MAML2: variants seen among roughly 807,000 people sequenced by gnomAD.
MAML2 encodes mastermind like transcriptional coactivator 2, also known as mastermind-like protein 2.
MAML2 carries 22 observed loss-of-function variants against 96.1 expected under a neutral mutation model. The ratio of observed to expected loss-of-function variants is 0.23; its 90% CI spans 0.16 to 0.33. MAML2 has a LOEUF of 0.33. Ranked by LOEUF, MAML2 falls within the 10% of genes least tolerant of loss-of-function variation. MAML2 has a pLI of 1.00. For synonymous variants in MAML2, 561 were observed against 521.3 expected (o/e 1.08, Z -1.04); for missense variants, 1,367 against 1,392.4 (o/e 0.98, Z 0.29).
At chr11:96,160,815 T>C (rs747045078) in intron 1 of MAML2, among the ~76,000 whole-genome samples, 1 of 152,252 alleles carries the variant, frequency 6.6e-6, no homozygotes, top group South Asian at 2.1e-4. Flanking sequence ...ATAGAATCTA[T>C]GTAGCCCTGT....
intron 1 of MAML2, among the ~76,000 whole-genome samples, chr11:96,251,793 G>T (rs1457845174): frequency 6.7e-6 from 1 of 149,656 alleles, no homozygotes; most frequent in Non-Finnish European, 1.5e-5. Context: ...GTGCAGTGAC[G>T]CGATCTTGGC....
intron 1 of MAML2, among the ~76,000 whole-genome samples, chr11:96,219,564 A>G (rs964956410): frequency 2.0e-5 from 3 of 152,172 alleles, no homozygotes; most frequent in Admixed American, 1.3e-4. Context: ...TTGGTTTCCA[A>G]TGCTGCCCTG....
intron 1 of MAML2, among the ~76,000 whole-genome samples, chr11:96,273,025 T>C (rs75152834): frequency 0.033 from 5,083 of 152,338 alleles, 122 homozygotes; most frequent in Middle Eastern, 0.054. Context: ...CCCTACTATA[T>C]GTGTTTCAGG....
intron 1 of MAML2, among the ~76,000 whole-genome samples, chr11:96,197,627 T>C (rs1165839162): frequency 6.6e-6 from 1 of 152,238 alleles, no homozygotes; most frequent in African/African-American, 2.4e-5. Context: ...CCTTCTACCA[T>C]GTTCAACATT....
chr11:96,175,353 G>A (rs979489799), intron 1 of MAML2, among the ~76,000 whole-genome samples: 3 of 152,036 alleles, frequency 2.0e-5, no homozygotes, highest in Non-Finnish European at 2.9e-5. Flanking sequence ...AATCTCCCTG[G>A]GTCTAGTTGC....
chr11:96,067,516 ATCT>A (rs1458669104), intron 2 of MAML2, among the ~76,000 whole-genome samples: 1 of 152,128 alleles, frequency 6.6e-6, no homozygotes, highest in Non-Finnish European at 1.5e-5. Context: ...TTATCACATG[ATCT>A]TCTTACTCTA....
intron 1 of MAML2, among the ~76,000 whole-genome samples, chr11:96,246,702 T>G (rs1862516616): frequency 6.6e-6 from 1 of 152,124 alleles, no homozygotes; most frequent in Admixed American, 6.5e-5. Flanking sequence ...TGTTCCCACA[T>G]GCACAGTAGA....
chr11:96,127,828 C>G (rs950388279), intron 1 of MAML2, among the ~76,000 whole-genome samples: 2 of 152,234 alleles, frequency 1.3e-5, no homozygotes, highest in Admixed American at 6.5e-5. Context: ...GCTGTTCCTG[C>G]TGACTTCCCA....
At chr11:95,980,037 T>A in intron 4 of MAML2, 74 bp from the exon 5 acceptor site, 1 of 1,172,252 alleles carries the variant, frequency 8.5e-7, no homozygotes, top group Non-Finnish European at 1.2e-6. Flanking sequence ...TTTCAATAAC[T>A]CATCAATCTG....
intron 1 of MAML2, among the ~76,000 whole-genome samples, chr11:96,326,275 G>A (rs1173742791): frequency 1.3e-5 from 2 of 151,858 alleles, no homozygotes; most frequent in Non-Finnish European, 2.9e-5. Context: ...ATTTAAACCT[G>A]GGAAGAATTT....
At chr11:96,142,626 C>T (rs1215267127) in intron 1 of MAML2, among the ~76,000 whole-genome samples, 1 of 152,156 alleles carries the variant, frequency 6.6e-6, no homozygotes, top group Non-Finnish European at 1.5e-5. Context: ...TTTGAAAGTC[C>T]TTTTATACTA....
chr11:96,309,724 G>T (rs1018129396), intron 1 of MAML2, among the ~76,000 whole-genome samples: 7 of 149,728 alleles, frequency 4.7e-5, no homozygotes, highest in African/African-American at 1.7e-4. Context: ...CTGAGACAGG[G>T]TCTCACTCTG....
chr11:96,042,070 G>A lies in MAML2; in HGVS notation c.2139+49822C>T, dbSNP rs777386231. Among the ~76,000 whole-genome samples, 206 of 150,462 alleles carry A rather than the reference G, an allele frequency of 1.4e-3. 1 individual carries two copies. The highest frequency in any genetic ancestry group is 3.2e-4 in the Non-Finnish European group (22 of 67,774). ...TGGCTCACTGCAAGCTCCACCTCCCGGGTTCAGGCCATTCTCCTGCCTCAG... is the reference window on the plus strand; with the variant it reads ...TGGCTCACTGCAAGCTCCACCTCCCAGGTTCAGGCCATTCTCCTGCCTCAG... On this transcript the variant is annotated intron_variant, in intron 2 of 4. Transcript: ENST00000524717.
At chr11:96,060,267 G>A (rs994552957) in intron 2 of MAML2, among the ~76,000 whole-genome samples, 1 of 152,172 alleles carries the variant, frequency 6.6e-6, no homozygotes, top group Non-Finnish European at 1.5e-5. Flanking sequence ...ATGCAGTTAA[G>A]CTTTTCAGAA....
chr11:96,294,903 G>C (rs1031826852), intron 1 of MAML2, among the ~76,000 whole-genome samples: 1 of 152,186 alleles, frequency 6.6e-6, no homozygotes, highest in African/African-American at 2.4e-5. Context: ...TGATTCCAAG[G>C]TTCCATGCAT....
intron 1 of MAML2, among the ~76,000 whole-genome samples, chr11:96,245,717 T>G (rs1862501934): frequency 6.6e-6 from 1 of 151,422 alleles, no homozygotes; most frequent in Non-Finnish European, 1.5e-5. Flanking sequence ...TTTTTTTTTT[T>G]TTTTTTAGAC....
At chr11:96,326,623 C>T (rs1259978434) in intron 1 of MAML2, among the ~76,000 whole-genome samples, 3 of 151,820 alleles carry the variant, frequency 2.0e-5, no homozygotes, top group Non-Finnish European at 2.9e-5. Context: ...GGTGAAACCC[C>T]GTCTCTACTG....
At chr11:96,335,020 C>T (rs1209854898) in intron 1 of MAML2, among the ~76,000 whole-genome samples, 1 of 152,158 alleles carries the variant, frequency 6.6e-6, no homozygotes, top group African/African-American at 2.4e-5. Flanking sequence ...TAGTCAATAG[C>T]CCATTCACTA....
At chr11:96,002,678 AT>A (rs1565186327) in intron 2 of MAML2, among the ~76,000 whole-genome samples, 3 of 82,078 alleles carry the variant, frequency 3.7e-5, no homozygotes, top group East Asian at 1.1e-3. Context: ...AAGAATAATG[AT>A]GGGGATGGTG....
Sources: gnomAD v4.1 joint callset for allele counts (sites outside exome capture counted in the v4.1 genomes callset) on GRCh38, gnomAD v4.1.1 for gene constraint, MANE v1.5 for transcripts, NCBI Gene and HGNC (gene_info 2026-07-23, HGNC 2026-07-21) for gene names.